TFEC: variants seen among roughly 807,000 people sequenced by gnomAD.
TFEC encodes the protein transcription factor EC, also known as class E basic helix-loop-helix protein 34.
TFEC carries 31 observed loss-of-function variants against 41.6 expected under a neutral mutation model. The ratio of observed to expected loss-of-function variants is 0.74; its 90% CI spans 0.56 to 1.01. TFEC has a LOEUF of 1.01. TFEC is among the 50% of genes least tolerant of loss of function. The pLI is 0.00. For missense variants in TFEC, 402 were observed against 404.1 expected, an observed-to-expected ratio of 0.99 and a Z score of 0.04; for synonymous variants, 143 against 140.6, an observed-to-expected ratio of 1.02 and a Z score of -0.12.
At chr7:116,057,580 A>C (rs960594963) in intron 3 of TFEC, among the ~76,000 whole-genome samples, 1 of 151,976 alleles carries the variant, frequency 6.6e-6, no homozygotes, top group African/African-American at 2.4e-5. Flanking sequence ...GACTGGAAAG[A>C]GTAATTTATG....
At chr7:116,055,754 A>G (rs1796415291) in intron 3 of TFEC, among the ~76,000 whole-genome samples, 1 of 152,082 alleles carries the variant, frequency 6.6e-6, no homozygotes, top group Non-Finnish European at 1.5e-5. Context: ...TCTGTAAATA[A>G]GAAAATTAAG....
chr7:116,017,795 T>C (rs1324679023), intron 1 of TFEC, among the ~76,000 whole-genome samples: 1 of 152,234 alleles, frequency 6.6e-6, no homozygotes, highest in Non-Finnish European at 1.5e-5. Flanking sequence ...CAGGTTACAA[T>C]GTCTTCTAAC....
intron 1 of TFEC, among the ~76,000 whole-genome samples, chr7:116,149,926 C>G (rs1186093544): frequency 6.6e-6 from 1 of 152,066 alleles, no homozygotes; most frequent in Non-Finnish European, 1.5e-5. Context: ...TTTGTCTTGA[C>G]TCTAGGCAAT....
At chr7:116,060,709 G>A (rs920779998) in intron 3 of TFEC, among the ~76,000 whole-genome samples, 1 of 152,056 alleles carries the variant, frequency 6.6e-6, no homozygotes, top group African/African-American at 2.4e-5. Context: ...GGGTCTACAT[G>A]AATGGGGAGA....
Position 116,030,716 on chromosome 7 carries a change from T to C in TFEC, c.-156A>G, listed in dbSNP as rs1795759942. 3.0e-6 allele frequency: 3 copies of C among 985,258 alleles called. No homozygotes were observed. The highest frequency in any genetic ancestry group is 4.7e-5 in the South Asian group (1 of 21,290). 61.0% of individuals were successfully genotyped at this position (985,258 alleles called of 1,614,324 possible). A position where few individuals can be genotyped will look rare whatever the true frequency, so the allele number is the denominator to read the frequency against. ...CCCTCTTCCCATAACATATGCACCA[T>C]GCCAGAAGGGACAACCAAAGTAAAC... On this transcript the variant is annotated 5_prime_UTR_variant, in exon 1 of 8. It removes an upstream start codon present in the reference 5' UTR. Transcript: ENST00000265440.
At chr7:116,114,105 T>G (rs1198726314) in intron 1 of TFEC, among the ~76,000 whole-genome samples, 1 of 152,104 alleles carries the variant, frequency 6.6e-6, no homozygotes. Context: ...TTAGTAACCA[T>G]TATTAATAGT....
At chr7:116,085,914 T>A (rs1227922618) in intron 3 of TFEC, among the ~76,000 whole-genome samples, 1 of 151,926 alleles carries the variant, frequency 6.6e-6, no homozygotes, top group Non-Finnish European at 1.5e-5. Context: ...TTTTAACCTC[T>A]CTTTCATAAG....
chr7:116,059,998 T>C (rs1796515632), intron 3 of TFEC, among the ~76,000 whole-genome samples: 1 of 151,970 alleles, frequency 6.6e-6, no homozygotes, highest in Non-Finnish European at 1.5e-5. Flanking sequence ...AGAAAAGACA[T>C]CTAGATTGGA....
At chr7:116,030,237 CA>C (rs1441858561) in intron 1 of TFEC, among the ~76,000 whole-genome samples, 1 of 151,818 alleles carries the variant, frequency 6.6e-6, no homozygotes. Flanking sequence ...CCTTTAAAGC[CA>C]ATAAAATAGA....
rs75743068 is a variant in TFEC at position 116,053,206 on chromosome 7, G to A, written c.198+57502C>T. 6.7e-3 allele frequency among the ~76,000 whole-genome samples: 1,020 copies of A among 152,320 alleles called. 10 individuals are homozygous for A. The highest frequency in any genetic ancestry group is 0.023 in the African/African-American group (975 of 41,584). The stretch of plus-strand genomic sequence containing the variant: ...TTGTTGAGAAAAGAGAAACTGTGAA[G>A]GGGAGATGGAATGAATCTTGGACAT... On this transcript the variant is annotated intron_variant, in intron 3 of 8. Coordinates refer to the TFEC transcript ENST00000484212.
intron 1 of TFEC, among the ~76,000 whole-genome samples, chr7:115,994,774 T>G (rs1479248827): frequency 6.6e-6 from 1 of 152,212 alleles, no homozygotes; most frequent in South Asian, 2.1e-4. Context: ...TCAACCATTG[T>G]GGAAGACAGG....
At chr7:115,971,254 T>C (rs750635578) in intron 3 of TFEC, among the ~76,000 whole-genome samples, 6 of 151,982 alleles carry the variant, frequency 3.9e-5, no homozygotes, top group South Asian at 2.1e-4. Flanking sequence ...GAGCTTTAAC[T>C]GGAACTAAGA....
At position 115,935,157 on chromosome 7, in the gene TFEC, T is replaced by A. The variant is rs1448257130; in HGVS notation, c.*5394A>T. ...AGAACAAAAACTGTAAAACATTTCA[T>A]AATTATAGTCTTTCATTTAATATAT... On this transcript the variant is annotated 3_prime_UTR_variant, in exon 8 of 8. Transcript: ENST00000265440. 1 of 151,732 alleles carries A rather than the reference T, an allele frequency of 6.6e-6. No homozygotes were observed. Among genetic ancestry groups the A allele is most frequent in the Non-Finnish European group, 1.5e-5 (1 of 67,654 alleles). 9.4% of individuals were successfully genotyped at this position (151,732 alleles called of 1,614,324 possible).
intron 1 of TFEC, among the ~76,000 whole-genome samples, chr7:116,004,610 T>A (rs1044951372): frequency 2.0e-5 from 3 of 152,110 alleles, no homozygotes; most frequent in African/African-American, 7.2e-5. Context: ...ATCTAAAACT[T>A]CCCTAAAAAA....
At chr7:116,050,873 A>G (rs1012930242) in intron 3 of TFEC, among the ~76,000 whole-genome samples, 2 of 152,226 alleles carry the variant, frequency 1.3e-5, no homozygotes, top group Non-Finnish European at 2.9e-5. Flanking sequence ...CACTATTCAC[A>G]ATAGCAAAGA....
intron 3 of TFEC, among the ~76,000 whole-genome samples, chr7:116,104,817 G>GCGTAAA (rs1160724307): frequency 1.3e-5 from 2 of 151,276 alleles, no homozygotes; most frequent in Non-Finnish European, 2.9e-5. Flanking sequence ...AGGGTGTTCA[G>GCGTAAA]CGTAAATGTA....
intron 6 of TFEC, among the ~76,000 whole-genome samples, chr7:115,943,097 T>C (rs1278781505): frequency 6.6e-6 from 1 of 152,066 alleles, no homozygotes; most frequent in Non-Finnish European, 1.5e-5. Flanking sequence ...AAGTGCTTAC[T>C]GGAGCCTGGA....
intron 1 of TFEC, among the ~76,000 whole-genome samples, chr7:115,987,960 A>G (rs542436733): frequency 1.3e-5 from 2 of 152,286 alleles, no homozygotes; most frequent in South Asian, 4.2e-4. Flanking sequence ...AGATAAGACC[A>G]TCAAAATGAA....
chr7:115,989,909 G>A (rs1336266672), intron 1 of TFEC, among the ~76,000 whole-genome samples: 2 of 152,206 alleles, frequency 1.3e-5, no homozygotes, highest in Non-Finnish European at 2.9e-5. Flanking sequence ...TGAGATCTGA[G>A]AATGGACAGA....
Sources: allele counts gnomAD v4.1 joint callset (sites outside exome capture counted in the v4.1 genomes callset), GRCh38; gene constraint gnomAD v4.1.1; transcripts MANE v1.5; gene names NCBI Gene and HGNC (gene_info 2026-07-23, HGNC 2026-07-21).